TEX30: variants seen among roughly 807,000 people sequenced by gnomAD.
TEX30 encodes testis-expressed protein 30.
Under a neutral mutation model 23.8 loss-of-function variants are expected in TEX30, and 14 were observed. The ratio of observed to expected loss-of-function variants is 0.59; its 90% confidence interval spans 0.39 to 0.92. TEX30 has a LOEUF of 0.92. Ranked by LOEUF, TEX30 falls within the 40% of genes least tolerant of loss-of-function variation. TEX30 has a pLI of 0.00. For missense variants in TEX30, 246 were observed against 270.6 expected, an observed-to-expected ratio of 0.91 and a Z score of 0.64; for synonymous variants, 78 against 90.2, an observed-to-expected ratio of 0.87 and a Z score of 0.76.
chr13:102,768,458 T>A, intron 3 of TEX30, 147 bp from the exon 4 acceptor site: 1 of 539,492 alleles, frequency 1.9e-6, no homozygotes, highest in Non-Finnish European at 3.2e-6. Context: ...TTAAAAGAAG[T>A]AAGCAGTCCT....
At chr13:102,772,915 T>C (rs1305875449) in intron 1 of TEX30, among the ~76,000 whole-genome samples, 1 of 152,252 alleles carries the variant, frequency 6.6e-6, no homozygotes, top group East Asian at 1.9e-4. Flanking sequence ...AGGGCAGGGT[T>C]TGAAGCCTGG....
chr13:102,769,213 T>C, intron 3 of TEX30, 98 bp downstream of exon 3: 2 of 942,500 alleles, frequency 2.1e-6, no homozygotes, highest in Non-Finnish European at 3.1e-6. Context: ...TTCAAAGATT[T>C]TTTAAATTAA....
chr13:102,768,359 C>G (rs1476214758), intron 3 of TEX30, 48 bp from the exon 4 acceptor site: 1 of 1,337,922 alleles, frequency 7.5e-7, no homozygotes, highest in Non-Finnish European at 1.0e-6. Flanking sequence ...AAATATTCCA[C>G]TGGAAAGGCA....
rs1877130928 is a variant in TEX30, at chr13:102,769,256, A to G, written c.246+55T>C. 7 of 1,221,056 alleles carry G rather than the reference A, an allele frequency of 5.7e-6. 1 individual carries two copies. Among genetic ancestry groups the G allele is most frequent in the Middle Eastern group, 2.4e-4 (1 of 4,108 alleles). The allele number at this position is 1,221,056 out of a possible 1,614,324, so 75.6% of individuals were successfully genotyped here. Reference sequence around the variant, plus strand: ...GACTAATAAAATTTATCTTACATTTATTAAGGATTTCAAACAGAATTCTGT... The same window carrying G: ...GACTAATAAAATTTATCTTACATTTGTTAAGGATTTCAAACAGAATTCTGT... On this transcript the variant is annotated intron_variant, in intron 3 of 5. Transcript: ENST00000376032.
intron 4 of TEX30, among the ~76,000 whole-genome samples, chr13:102,767,845 G>A (rs1479339933): frequency 6.6e-6 from 1 of 152,124 alleles, no homozygotes; most frequent in Non-Finnish European, 1.5e-5. Context: ...TCCCAGAGGT[G>A]GAGGCTGCAG....
Position 102,767,392 on chromosome 13 carries a change from A to C in TEX30, c.385T>G (p.Cys129Gly). ...DGDDFVRGLI[C>G]ISYPLHHPKQ... ...GGATGGTGCAGTGGGTAAGAAATAC[A>C]AATGAGACCCCGAACAAAATCATCA... is the stretch of plus-strand genomic sequence containing the variant. The change falls in exon 5 of 6, where the codon TGT (cysteine) becomes GGT (glycine). Residue 129 changes from cysteine to glycine, a missense_variant. Coordinates refer to ENST00000376032, the MANE Select transcript of TEX30 (RefSeq NM_138779.5). The C allele has an allele frequency of 6.2e-7, 1 of 1,614,224 alleles. No homozygotes were observed. Among genetic ancestry groups the C allele is most frequent in the East Asian group, 2.2e-5 (1 of 44,884 alleles).
At chr13:102,770,540 G>GTA (rs1170507753) in intron 1 of TEX30, 1 of 152,246 alleles carries the variant, frequency 6.6e-6, no homozygotes, top group Non-Finnish European at 1.5e-5. Flanking sequence ...AGAAGGCAGA[G>GTA]TATATATGTC....
chr13:102,768,234 CAA>C (rs770356134), intron 4 of TEX30, 24 bp downstream of exon 4: 1 of 1,553,962 alleles, frequency 6.4e-7, no homozygotes, highest in Non-Finnish European at 8.8e-7. Context: ...AGGTAATTAA[CAA>C]GTATTCACAA....
At chr13:102,767,191 C>A (rs1876948266) in intron 5 of TEX30, 82 bp downstream of exon 5, 1 of 1,409,662 alleles carries the variant, frequency 7.1e-7, no homozygotes, top group South Asian at 1.3e-5. Flanking sequence ...TTAAAAGACA[C>A]TGTTGCCAGA....
chr13:102,766,456 GTATT>G lies in TEX30; in HGVS notation c.625_628del (p.Asn209HisfsTer20). Reference sequence around the variant, plus strand: ...TTCTTGGATCCAAAACAAAATCTGTGTATTTATTTCTTTGAAAACATCATTTGTC... The same window carrying G: ...TTCTTGGATCCAAAACAAAATCTGTGTATTTCTTTGAAAACATCATTTGTC... On this transcript the variant is annotated frameshift_variant, in exon 6 of 6. Transcript: ENST00000376032. LOFTEE classifies it high-confidence loss of function. 1 of 1,613,742 alleles carries G rather than the reference GTATT, an allele frequency of 6.2e-7. No homozygotes were observed. The highest frequency in any genetic ancestry group is 1.3e-5 in the African/African-American group (1 of 75,022).
At chr13:102,767,200 G>A (rs973269718) in intron 5 of TEX30, 73 bp downstream of exon 5, 2 of 1,474,576 alleles carry the variant, frequency 1.4e-6, no homozygotes, top group East Asian at 2.3e-5. Flanking sequence ...ACTGTTGCCA[G>A]AAGTATCTTG....
chr13:102,772,713 T>A (rs1419166325), intron 1 of TEX30, among the ~76,000 whole-genome samples: 1 of 152,136 alleles, frequency 6.6e-6, no homozygotes, highest in Non-Finnish European at 1.5e-5. Flanking sequence ...GTAGCTGAGA[T>A]TACAGGCGTC....
intron 1 of TEX30, among the ~76,000 whole-genome samples, chr13:102,771,665 T>C (rs1877329522): frequency 6.6e-6 from 1 of 152,234 alleles, no homozygotes; most frequent in African/African-American, 2.4e-5. Flanking sequence ...CCTATCTTCA[T>C]ACATGCAGCC....
In TEX30 at chr13:102,766,626, T is replaced by A. The variant is rs777875404; in HGVS notation, c.505-46A>T. The stretch of plus-strand genomic sequence containing the variant: ...ATACTAGACTAATGTTCTGTTGATA[T>A]TTAATAAAAGGTCCTCTCTCCCCTG... On this transcript the variant is annotated intron_variant, in intron 5 of 5. Transcript: ENST00000376032. The A allele has an allele frequency of 3.9e-6, 6 of 1,555,806 alleles. 1 individual carries two copies. In the South Asian group the frequency reaches 7.2e-5, roughly 19 times the overall value.
rs1488317110 is a variant in TEX30, at chr13:102,769,509, T to C, written c.48A>G (p.Leu16=). 5 of 1,599,004 alleles carry C rather than the reference T, an allele frequency of 3.1e-6. No individual in the cohort carries two copies. In the Middle Eastern group the frequency reaches 5.0e-4, roughly 159 times the overall value. The change falls in exon 3 of 6, where the codon TTA becomes TTG. Residue 16 remains leucine, a synonymous_variant. Coordinates refer to ENST00000376032, the MANE Select transcript of TEX30 (RefSeq NM_138779.5). The stretch of plus-strand genomic sequence containing the variant: ...TAGGTACCAAACAAACAGCATCTAG[T>C]AATTTATTTCCAAAAGGTATTTTTA... The part of the protein sequence containing the change: ...VKLKIPFGNK[L]LDAVCLVPNK...
intron 1 of TEX30, among the ~76,000 whole-genome samples, chr13:102,771,105 T>C (rs1877286067): frequency 6.6e-6 from 1 of 152,222 alleles, no homozygotes; most frequent in Non-Finnish European, 1.5e-5. Context: ...ACCAATATTA[T>C]CTGCTTCTTA....
intron 3 of TEX30, among the ~76,000 whole-genome samples, chr13:102,769,068 A>G (rs181371234): frequency 6.6e-5 from 10 of 152,368 alleles, no homozygotes; most frequent in East Asian, 5.8e-4. Context: ...GAGAAAAATC[A>G]TAAGTAGCTT....
At chr13:102,769,058 G>A (rs1414299752) in intron 3 of TEX30, among the ~76,000 whole-genome samples, 3 of 152,116 alleles carry the variant, frequency 2.0e-5, no homozygotes, top group African/African-American at 7.2e-5. Flanking sequence ...TAATTCCAGG[G>A]AGAAAAATCA....
At chr13:102,769,199 C>A in intron 3 of TEX30, 112 bp downstream of exon 3, 1 of 771,792 alleles carries the variant, frequency 1.3e-6, no homozygotes, top group Non-Finnish European at 2.0e-6. Context: ...TAAGAATACA[C>A]TCATTCAAAG....
Sources: allele counts gnomAD v4.1 joint callset (sites outside exome capture counted in the v4.1 genomes callset), GRCh38; gene constraint gnomAD v4.1.1; transcripts MANE v1.5; gene names NCBI Gene and HGNC (gene_info 2026-07-23, HGNC 2026-07-21).